LSAMP: variants seen among roughly 807,000 people sequenced by gnomAD.
LSAMP encodes the protein limbic system-associated membrane protein.
A neutral mutation model predicts 38.6 loss-of-function variants in LSAMP; 7 were observed. The observed-to-expected ratio is 0.18, with a 90% CI of 0.10 to 0.34. LSAMP has a LOEUF of 0.34. Among genes scored for constraint, LSAMP ranks in the 10% least tolerant of loss-of-function variants. The probability of loss-of-function intolerance (pLI) is 1.00; values close to 1 mark genes in which losing one functional copy is unlikely to be tolerated. For missense variants in LSAMP, 313 were observed against 420.0 expected, an observed-to-expected ratio of 0.75 and a Z score of 2.23; for synonymous variants, 154 against 166.8, an observed-to-expected ratio of 0.92 and a Z score of 0.59.
At chr3:115,863,326 C>T (rs557009919) in intron 3 of LSAMP, among the ~76,000 whole-genome samples, 6 of 152,126 alleles carry the variant, frequency 3.9e-5, no homozygotes, top group African/African-American at 7.2e-5. Flanking sequence ...CACACACTCA[C>T]CTCTAATTAA....
intron 3 of LSAMP, among the ~76,000 whole-genome samples, chr3:116,010,002 C>T (rs920219842): frequency 6.6e-6 from 1 of 152,130 alleles, no homozygotes; most frequent in African/African-American, 2.4e-5. Context: ...CTGGAACCTC[C>T]ACCTCCCAGG....
intron 1 of LSAMP, among the ~76,000 whole-genome samples, chr3:116,166,558 C>T (rs1576405767): frequency 6.6e-6 from 1 of 152,044 alleles, no homozygotes; most frequent in South Asian, 2.1e-4. Context: ...TTTGTTATGC[C>T]TGTGAGTGTG....
chr3:115,924,337 TC>T (rs1486821825), intron 3 of LSAMP, among the ~76,000 whole-genome samples: 1 of 152,196 alleles, frequency 6.6e-6, no homozygotes, highest in African/African-American at 2.4e-5. Flanking sequence ...TCCCTTTTCA[TC>T]GTCTCTTCTG....
chr3:115,889,701 A>G (rs1446911104), intron 3 of LSAMP, among the ~76,000 whole-genome samples: 1 of 151,942 alleles, frequency 6.6e-6, no homozygotes, highest in East Asian at 1.9e-4. Flanking sequence ...TAACCCTATA[A>G]GAGAAGTTTT....
intron 2 of LSAMP, among the ~76,000 whole-genome samples, chr3:116,029,720 C>T (rs780030172): frequency 1.6e-4 from 25 of 152,014 alleles, no homozygotes; most frequent in Non-Finnish European, 2.2e-4. Flanking sequence ...CAGACAGGAG[C>T]AGTTTCTGAA....
chr3:116,117,719 AT>A (rs1249169728), intron 1 of LSAMP, among the ~76,000 whole-genome samples: 2 of 151,986 alleles, frequency 1.3e-5, no homozygotes, highest in African/African-American at 2.4e-5. Flanking sequence ...TATTTGTCTA[AT>A]TTTTTTTCAT....
At chr3:116,416,793 ACTTCTT>A (rs139134830) in intron 1 of LSAMP, among the ~76,000 whole-genome samples, 1 of 151,860 alleles carries the variant, frequency 6.6e-6, no homozygotes, top group African/African-American at 2.4e-5. Context: ...AAGGGCAGAG[ACTTCTT>A]CTTCTTCTTC....
chr3:116,078,701 C>G (rs1361552400), intron 2 of LSAMP, among the ~76,000 whole-genome samples: 1 of 152,032 alleles, frequency 6.6e-6, no homozygotes, highest in African/African-American at 2.4e-5. Context: ...CTTTCAATAC[C>G]CAAATTGTCC....
intron 3 of LSAMP, among the ~76,000 whole-genome samples, chr3:115,915,564 A>T (rs1178866175): frequency 6.6e-6 from 1 of 152,090 alleles, no homozygotes; most frequent in African/African-American, 2.4e-5. Flanking sequence ...GTGTACATAA[A>T]GCTCCTGAGT....
intron 3 of LSAMP, among the ~76,000 whole-genome samples, chr3:115,956,584 G>A (rs774780044): frequency 1.5e-4 from 23 of 152,014 alleles, no homozygotes; most frequent in Non-Finnish European, 2.9e-4. Context: ...TGTCCTCCCT[G>A]AGAGCTGAGA....
chr3:116,118,292 C>A (rs774282573), intron 1 of LSAMP, among the ~76,000 whole-genome samples: 1 of 152,062 alleles, frequency 6.6e-6, no homozygotes, highest in Admixed American at 6.6e-5. Flanking sequence ...GCTCCCCATC[C>A]CAACCCCAAC....
intron 1 of LSAMP, among the ~76,000 whole-genome samples, chr3:116,416,423 C>T (rs551401896): frequency 6.6e-6 from 1 of 152,114 alleles, no homozygotes; most frequent in Non-Finnish European, 1.5e-5. Flanking sequence ...TAAGATACTA[C>T]ATTTGGGAGG....
chr3:116,410,250 A>G (rs1159811071), intron 1 of LSAMP, among the ~76,000 whole-genome samples: 1 of 152,002 alleles, frequency 6.6e-6, no homozygotes, highest in African/African-American at 2.4e-5. Context: ...TTTTTTTATA[A>G]GACTCCTGAT....
At chr3:116,304,467 T>C (rs1390294039) in intron 1 of LSAMP, among the ~76,000 whole-genome samples, 1 of 152,006 alleles carries the variant, frequency 6.6e-6, no homozygotes, top group Non-Finnish European at 1.5e-5. Flanking sequence ...CGAGGAAACA[T>C]GTGAGCCAGA....
At chr3:116,244,059 T>C (rs1026568472) in intron 1 of LSAMP, among the ~76,000 whole-genome samples, 4 of 152,160 alleles carry the variant, frequency 2.6e-5, no homozygotes, top group East Asian at 1.9e-4. Flanking sequence ...CACATCCCAA[T>C]GACTTTTAAA....
chr3:116,396,569 T>C (rs1400258711), intron 1 of LSAMP, among the ~76,000 whole-genome samples: 1 of 152,206 alleles, frequency 6.6e-6, no homozygotes, highest in African/African-American at 2.4e-5. Flanking sequence ...TTATCTATTA[T>C]ATACAGCCAA....
chr3:115,814,424 C>T (rs1331875174), intron 6 of LSAMP, among the ~76,000 whole-genome samples: 1 of 152,174 alleles, frequency 6.6e-6, no homozygotes, highest in Non-Finnish European at 1.5e-5. Context: ...TGGCAAGTCT[C>T]TAGACTATAA....
chr3:115,901,553 A>G (rs1936874686), intron 3 of LSAMP, among the ~76,000 whole-genome samples: 1 of 152,178 alleles, frequency 6.6e-6, no homozygotes, highest in South Asian at 2.1e-4. Context: ...TATCTCCCAC[A>G]AAACCAGCGT....
At chr3:115,827,245 A>G (rs1050379791) in intron 6 of LSAMP, among the ~76,000 whole-genome samples, 3 of 152,106 alleles carry the variant, frequency 2.0e-5, no homozygotes, top group Admixed American at 6.5e-5. Flanking sequence ...AACATAAAAC[A>G]TGGCTGGGAA....
Sources: gnomAD v4.1 joint callset for allele counts (sites outside exome capture counted in the v4.1 genomes callset) on GRCh38, gnomAD v4.1.1 for gene constraint, MANE v1.5 for transcripts, NCBI Gene and HGNC (gene_info 2026-07-23, HGNC 2026-07-21) for gene names.